The following HOGA1 variants were observed in gnomAD, a reference collection of about 807,000 sequenced individuals.
HOGA1 encodes 4-hydroxy-2-oxoglutarate aldolase, mitochondrial.
In HOGA1, 30 loss-of-function variants were observed where a neutral mutation model predicts 34.3. The observed-to-expected ratio is 0.87, with a 90% confidence interval of 0.65 to 1.19. HOGA1 has a LOEUF of 1.19. Among genes scored for constraint, HOGA1 ranks in the 50% most tolerant of loss-of-function variants. HOGA1 has a pLI of 0.00. For synonymous variants in HOGA1, 161 were observed against 174.0 expected (o/e 0.93, Z 0.59); for missense variants, 417 against 436.5 (o/e 0.96, Z 0.40).
rs950748379 is a variant in HOGA1, at chr10:97,601,903, G to C, written c.747G>C (p.Gln249His). The part of the protein sequence containing the change: ...VCALANVLGA[Q>H]VCQLERLCCT... Reference sequence around the variant, plus strand: ...CCCTGGCCAATGTCCTGGGGGCTCAGGTGTGCCAGCTGGAGCGACTGTGCT... The same window carrying C: ...CCCTGGCCAATGTCCTGGGGGCTCACGTGTGCCAGCTGGAGCGACTGTGCT... The change falls in exon 6 of 7, where the codon CAG becomes CAC. Residue 249 changes from glutamine to histidine, a missense_variant. Transcript: ENST00000370646. The C allele has an allele frequency of 2.5e-6, 4 of 1,612,790 alleles. No homozygotes were observed. The highest frequency in any genetic ancestry group is 3.4e-6 in the Non-Finnish European group (4 of 1,180,020).
At chr10:97,592,518 G>A (rs2041034861) in intron 1 of HOGA1, among the ~76,000 whole-genome samples, 1 of 151,856 alleles carries the variant, frequency 6.6e-6, no homozygotes, top group South Asian at 2.1e-4. Flanking sequence ...GAGATTACAG[G>A]TGGGAGCCAC....
chr10:97,603,339 G>A lies in HOGA1; in HGVS notation c.834+1349G>A, dbSNP rs1415056199. Among the ~76,000 whole-genome samples, 1 of 151,902 alleles carries A rather than the reference G, an allele frequency of 6.6e-6. No homozygotes were observed. The highest frequency in any genetic ancestry group is 1.9e-4 in the East Asian group (1 of 5,160). ...CACCCAGGCTAGAGTACAGTGGTGT[G>A]ATGACAGCTCACTGCAACCTCAATG... is the stretch of plus-strand genomic sequence containing the variant. On this transcript the variant is annotated intron_variant, in intron 6 of 6. Transcript: ENST00000370646. This position sits in a 1 kb window ranked among gnomAD's most constrained non-coding sequence, Gnocchi z 4.5.
At chr10:97,595,296 G>C (rs1289398795) in intron 1 of HOGA1, among the ~76,000 whole-genome samples, 2 of 152,180 alleles carry the variant, frequency 1.3e-5, no homozygotes, top group Admixed American at 6.5e-5. Context: ...CTGATTTAAG[G>C]TTTGAGCACT....
At position 97,601,850 on chromosome 10, in the gene HOGA1, C is replaced by T. The variant is rs372897096; in HGVS notation, c.701-7C>T. ...CTGGCTGATGTTCTGCGTCTTACTT[C>T]GTGCAGGAGCTGTGGGGGGCGTCTG... On this transcript the variant is annotated splice_polypyrimidine_tract_variant and splice_region_variant and intron_variant, in intron 5 of 6. Transcript: ENST00000370646. The T allele has an allele frequency of 3.8e-5, 62 of 1,611,100 alleles. No individual in the cohort carries two copies. Among genetic ancestry groups the T allele is most frequent in the Middle Eastern group, 2.2e-4 (1 of 4,528 alleles).
intron 1 of HOGA1, among the ~76,000 whole-genome samples, chr10:97,593,677 A>G (rs1448432440): frequency 6.6e-6 from 1 of 152,150 alleles, no homozygotes; most frequent in African/African-American, 2.4e-5. Flanking sequence ...CTCAACACCT[A>G]TGCTAGGCAC....
intron 6 of HOGA1, among the ~76,000 whole-genome samples, chr10:97,606,733 C>A (rs2041160943): frequency 6.6e-6 from 1 of 152,130 alleles, no homozygotes; most frequent in East Asian, 1.9e-4. Flanking sequence ...AGTCTAATTT[C>A]TTTAACTTTC....
chr10:97,588,119 G>T (rs771548264), intron 1 of HOGA1, among the ~76,000 whole-genome samples: 33 of 151,722 alleles, frequency 2.2e-4, no homozygotes, highest in Admixed American at 8.5e-4. Flanking sequence ...GCCCCGTGTA[G>T]CTCTTTTTAA....
intron 6 of HOGA1, chr10:97,602,336 G>T: frequency 8.1e-7 from 1 of 1,232,034 alleles, no homozygotes; most frequent in Non-Finnish European, 1.0e-6. Context: ...GAGAGAAAGA[G>T]TGTAAACCAG....
In HOGA1 at chr10:97,611,811, T is replaced by G. The variant is rs2041198591; in HGVS notation, c.*152T>G. 1 of 854,818 alleles carries G rather than the reference T, an allele frequency of 1.2e-6. No homozygotes were observed. Among genetic ancestry groups the G allele is most frequent in the Non-Finnish European group, 1.8e-6 (1 of 545,602 alleles). 53.0% of individuals were successfully genotyped at this position (854,818 alleles called of 1,614,324 possible). The stretch of plus-strand genomic sequence containing the variant: ...CTGCTGTGGTCCTCCAGGCAGCCTT[T>G]CACAGGCACGCCCATGCATATCTCC... On this transcript the variant is annotated 3_prime_UTR_variant, in exon 7 of 7. Coordinates refer to ENST00000370646, the MANE Select transcript of HOGA1 (RefSeq NM_138413.4).
chr10:97,591,456 G>A (rs2041022032), intron 1 of HOGA1, among the ~76,000 whole-genome samples: 1 of 152,042 alleles, frequency 6.6e-6, no homozygotes, highest in African/African-American at 2.4e-5. Context: ...TAAGTTCTGA[G>A]TTACATGGGC....
intron 6 of HOGA1, 26 bp downstream of exon 6, chr10:97,602,016 G>T: frequency 6.3e-7 from 1 of 1,598,192 alleles, no homozygotes. Flanking sequence ...CGGGGGCGCG[G>T]CCTGGCGGGG....
chr10:97,609,685 C>T (rs2041181652), intron 6 of HOGA1, among the ~76,000 whole-genome samples: 1 of 152,206 alleles, frequency 6.6e-6, no homozygotes, highest in South Asian at 2.1e-4. Flanking sequence ...GCCACCAACC[C>T]CTTCTTAGGG....
chr10:97,598,191 C>T (rs1388184894), intron 1 of HOGA1, among the ~76,000 whole-genome samples: 7 of 152,204 alleles, frequency 4.6e-5, no homozygotes, highest in Admixed American at 3.9e-4. Flanking sequence ...GGCAGCCATG[C>T]TGCCCTGCCT....
intron 1 of HOGA1, among the ~76,000 whole-genome samples, chr10:97,587,578 C>A (rs577997219): frequency 6.6e-6 from 1 of 151,770 alleles, no homozygotes; most frequent in Non-Finnish European, 1.5e-5. Flanking sequence ...GCATGATTTG[C>A]CTCACTGAAA....
chr10:97,598,624 G>A, intron 1 of HOGA1, 151 bp from the exon 2 acceptor site: 2 of 1,023,830 alleles, frequency 2.0e-6, no homozygotes, highest in East Asian at 4.8e-5. Flanking sequence ...GAAAAATGAT[G>A]TGAACAGTCA....
intron 6 of HOGA1, among the ~76,000 whole-genome samples, chr10:97,606,020 C>T (rs1355147160): frequency 1.3e-5 from 2 of 151,024 alleles, no homozygotes; most frequent in Admixed American, 6.7e-5. Context: ...CATGGTGGCT[C>T]ACGCCTATAA....
In HOGA1 at chr10:97,601,990, G is replaced by T. The variant is rs770050262; in HGVS notation, c.834G>T (p.Ala278=). ...ACCGCCTCATTGAGCCAAACGCTGC[G>T]GTGAGCCAGTGGCAGCGGGGGCGCG... ...LQHRLIEPNA[A]VTRRFGIPGL... The change falls in exon 6 of 7, where the codon GCG becomes GCT. Residue 278 remains alanine (A), a splice_region_variant and synonymous_variant. Transcript: ENST00000370646. The T allele has an allele frequency of 1.5e-5, 24 of 1,611,416 alleles. No individual in the cohort carries two copies. The East Asian group carries it at 3.6e-4, about 24-fold the overall frequency.
intron 1 of HOGA1, chr10:97,590,785 G>A: frequency 1.6e-6 from 1 of 613,074 alleles, no homozygotes; most frequent in Non-Finnish European, 3.0e-6. Flanking sequence ...GATGGCCCCT[G>A]TTGGAGGGAG....
In HOGA1 at chr10:97,612,051, CTG is replaced by C. The variant is rs551865422; in HGVS notation, c.*394_*395del. The stretch of plus-strand genomic sequence containing the variant: ...TTTTTTTTTGAGACAGAGTTTCACT[CTG>C]TCACCCAGGCTGGAGTGCAATGGCA... On this transcript the variant is annotated 3_prime_UTR_variant, in exon 7 of 7. Transcript: ENST00000370646. 5.9e-4 allele frequency: 110 copies of C among 185,712 alleles called. No homozygotes were observed. The highest frequency in any genetic ancestry group is 2.7e-3 in the African/African-American group (109 of 40,088). 11.5% of individuals were successfully genotyped at this position (185,712 alleles called of 1,614,324 possible). A position where few individuals can be genotyped will look rare whatever the true frequency, so the allele number is the denominator to read the frequency against.
Sources: allele counts gnomAD v4.1 joint callset (sites outside exome capture counted in the v4.1 genomes callset), GRCh38; gene constraint gnomAD v4.1.1; non-coding constraint Gnocchi (gnomAD v3.1); transcripts MANE v1.5; gene names NCBI Gene and HGNC (gene_info 2026-07-23, HGNC 2026-07-21).